The following PCDH15 variants were observed in gnomAD, a reference collection of about 807,000 sequenced individuals.
The protein encoded by PCDH15 is protocadherin related 15.
PCDH15 carries 129 observed loss-of-function variants against 178.5 expected under a neutral mutation model. The observed-to-expected ratio is 0.72, with a 90% CI of 0.63 to 0.84. The LOEUF (loss-of-function observed/expected upper bound fraction) is 0.84. Among genes scored for constraint, PCDH15 ranks in the 40% least tolerant of loss-of-function variants. The pLI is 0.00. For missense variants in PCDH15, 2,230 were observed against 2,099.9 expected (o/e 1.06, Z -1.21); for synonymous variants, 800 against 732.0 (o/e 1.09, Z -1.50).
intron 3 of PCDH15, among the ~76,000 whole-genome samples, chr10:54,811,945 T>C (rs1172437729): frequency 6.6e-6 from 1 of 152,176 alleles, no homozygotes; most frequent in Non-Finnish European, 1.5e-5. Context: ...AACTTCATCT[T>C]AAATCCTGTC....
intron 2 of PCDH15, chr10:54,600,506 T>G (rs956893510): frequency 1.7e-6 from 1 of 575,108 alleles, no homozygotes; most frequent in East Asian, 4.6e-5. Context: ...ACCAAAATAG[T>G]AGAAAAAATC....
In PCDH15 at chr10:55,154,931, T is replaced by C. The variant is rs1838842311; in HGVS notation, c.-80+11645A>G. ...TGCAAGATGAAGTAATTCACACCCC[T>C]GACATACTTAAGAGTTTAATTGAAC... On this transcript the variant is annotated intron_variant, in intron 2 of 5. Transcript: ENST00000458638. 1.3e-5 allele frequency among the ~76,000 whole-genome samples: 2 copies of C among 152,062 alleles called. 1 individual carries two copies. The highest frequency in any genetic ancestry group is 4.1e-4 in the South Asian group (2 of 4,822).
At chr10:55,514,376 G>GA (rs1840959329) in intron 2 of PCDH15, among the ~76,000 whole-genome samples, 1 of 152,054 alleles carries the variant, frequency 6.6e-6, no homozygotes. Flanking sequence ...TAGAGGTCAA[G>GA]AAAAAACTTC....
At chr10:55,593,527 A>C (rs1842882931) in intron 2 of PCDH15, among the ~76,000 whole-genome samples, 1 of 151,904 alleles carries the variant, frequency 6.6e-6, no homozygotes, top group African/African-American at 2.4e-5. Flanking sequence ...GGAGAGAGAC[A>C]ATTTTTTCTC....
intron 1 of PCDH15, among the ~76,000 whole-genome samples, chr10:55,237,316 A>C (rs1001833768): frequency 6.6e-6 from 1 of 152,132 alleles, no homozygotes; most frequent in African/African-American, 2.4e-5. Flanking sequence ...TTATGAGCTA[A>C]TTTGTATTTC....
intron 2 of PCDH15, among the ~76,000 whole-genome samples, chr10:55,466,599 T>C (rs942212408): frequency 2.0e-5 from 3 of 152,016 alleles, no homozygotes; most frequent in African/African-American, 7.2e-5. Context: ...CTGGTCAAAT[T>C]AGAATAAAAA....
At chr10:54,535,309 T>A (rs1029737526) in intron 2 of PCDH15, among the ~76,000 whole-genome samples, 11 of 151,926 alleles carry the variant, frequency 7.2e-5, no homozygotes, top group South Asian at 4.1e-4. Flanking sequence ...TCTGTACTTT[T>A]AAAAAAAACA....
chr10:54,195,937 A>G (rs775446488), intron 10 of PCDH15, 48 bp from the exon 11 acceptor site: 1 of 1,548,218 alleles, frequency 6.5e-7, no homozygotes, highest in Non-Finnish European at 8.9e-7. Context: ...ATGTCGTGCT[A>G]TCTTTTTGGA....
At chr10:54,682,984 T>C (rs1052813409) in intron 1 of PCDH15, among the ~76,000 whole-genome samples, 1 of 152,106 alleles carries the variant, frequency 6.6e-6, no homozygotes, top group Non-Finnish European at 1.5e-5. Context: ...ACCCCAGCAT[T>C]ACACAATAAA....
At chr10:54,276,620 T>C (rs2058363763) in intron 8 of PCDH15, among the ~76,000 whole-genome samples, 2 of 151,542 alleles carry the variant, frequency 1.3e-5, no homozygotes, top group South Asian at 4.1e-4. Flanking sequence ...ATCTTGTACA[T>C]ATATATAATA....
chr10:54,033,625 A>C (rs76728462), intron 18 of PCDH15, among the ~76,000 whole-genome samples: 7,106 of 152,036 alleles, frequency 0.047, 247 homozygotes, highest in South Asian at 0.15. Context: ...CTTCTTAAGT[A>C]ATGAAATAAG....
chr10:53,922,907 G>A (rs2084123867), intron 25 of PCDH15, among the ~76,000 whole-genome samples: 1 of 152,020 alleles, frequency 6.6e-6, no homozygotes, highest in African/African-American at 2.4e-5. Context: ...CTAACACGGT[G>A]GAACCCCATC....
chr10:55,359,733 T>C (rs773706171), intron 2 of PCDH15, among the ~76,000 whole-genome samples: 3,932 of 118,380 alleles, frequency 0.033, 102 homozygotes, highest in Non-Finnish European at 0.056. Context: ...TATATATATA[T>C]ATATATATAT....
intron 7 of PCDH15, among the ~76,000 whole-genome samples, chr10:54,321,470 C>A (rs1464086602): frequency 6.6e-6 from 1 of 151,376 alleles, no homozygotes; most frequent in Admixed American, 6.6e-5. Context: ...CAGATATAAA[C>A]ACACATATAT....
intron 2 of PCDH15, among the ~76,000 whole-genome samples, chr10:55,122,163 T>C (rs1220461654): frequency 1.3e-5 from 2 of 152,224 alleles, no homozygotes; most frequent in Non-Finnish European, 2.9e-5. Flanking sequence ...CTGTTTAGTG[T>C]CCATTTTTTA....
intron 8 of PCDH15, among the ~76,000 whole-genome samples, chr10:54,250,892 T>TGAGG (rs1272743283): frequency 6.6e-6 from 1 of 152,202 alleles, no homozygotes; most frequent in East Asian, 1.9e-4. Flanking sequence ...AAATAAAATT[T>TGAGG]GAGGGTTGAA....
At chr10:55,246,075 G>A (rs1372138895) in intron 1 of PCDH15, among the ~76,000 whole-genome samples, 1 of 152,232 alleles carries the variant, frequency 6.6e-6, no homozygotes, top group South Asian at 2.1e-4. Flanking sequence ...TGCATCAATG[G>A]CCCAGAAATA....
chr10:54,692,303 C>A (rs1424642427), intron 1 of PCDH15, among the ~76,000 whole-genome samples: 3 of 152,074 alleles, frequency 2.0e-5, no homozygotes, highest in African/African-American at 7.2e-5. Context: ...TATACATAAG[C>A]AAAATATAAA....
intron 2 of PCDH15, among the ~76,000 whole-genome samples, chr10:54,567,589 C>T (rs2089229444): frequency 6.6e-6 from 1 of 151,950 alleles, no homozygotes; most frequent in Non-Finnish European, 1.5e-5. Context: ...AAATGCAAAG[C>T]TAAAAAATGA....
Sources: gnomAD v4.1 joint callset for allele counts (sites outside exome capture counted in the v4.1 genomes callset) on GRCh38, gnomAD v4.1.1 for gene constraint, MANE v1.5 for transcripts, NCBI Gene and HGNC (gene_info 2026-07-23, HGNC 2026-07-21) for gene names.